Variants in THRB observed in about 807,000 individuals in gnomAD.
The protein encoded by THRB is nuclear receptor subfamily 1 group A member 2.
In THRB, 12 loss-of-function variants were observed where a neutral mutation model predicts 47.8. The ratio of observed to expected loss-of-function variants is 0.25; its 90% CI spans 0.16 to 0.41. The LOEUF (loss-of-function observed/expected upper bound fraction) is 0.41, where lower values mean the gene tolerates loss of function less well. Among genes scored for constraint, THRB ranks in the 10% least tolerant of loss-of-function variants. THRB has a pLI of 1.00. For synonymous variants in THRB, 218 were observed against 212.2 expected, an observed-to-expected ratio of 1.03 and a Z score of -0.24; for missense variants, 348 against 589.2, an observed-to-expected ratio of 0.59 and a Z score of 4.24.
chr3:24,402,282 A>C (rs543995512), intron 1 of THRB, among the ~76,000 whole-genome samples: 1 of 152,150 alleles, frequency 6.6e-6, no homozygotes, highest in Non-Finnish European at 1.5e-5. Flanking sequence ...AGATCAAATT[A>C]GTTTCTAAAT....
At chr3:24,352,489 G>C (rs536969756) in intron 1 of THRB, among the ~76,000 whole-genome samples, 6 of 152,270 alleles carry the variant, frequency 3.9e-5, no homozygotes, top group African/African-American at 1.4e-4. Flanking sequence ...GGGCTTAATG[G>C]ACCAGAAGCC....
intron 1 of THRB, among the ~76,000 whole-genome samples, chr3:24,393,956 A>G (rs1265077456): frequency 3.3e-5 from 5 of 152,180 alleles, no homozygotes; most frequent in Admixed American, 3.3e-4. Flanking sequence ...GGAGGGAGGA[A>G]TAAAATATAT....
At chr3:24,241,837 G>C (rs1487667787) in intron 3 of THRB, among the ~76,000 whole-genome samples, 2 of 152,116 alleles carry the variant, frequency 1.3e-5, no homozygotes, top group African/African-American at 2.4e-5. Flanking sequence ...AACTCTGAAG[G>C]TGGGGTTCGG....
intron 2 of THRB, among the ~76,000 whole-genome samples, chr3:24,314,716 C>T (rs575692039): frequency 1.3e-5 from 2 of 152,282 alleles, no homozygotes; most frequent in East Asian, 3.9e-4. Context: ...TTCAGCCTTT[C>T]TTTGTAACAT....
chr3:24,347,805 C>T (rs1454149805), intron 1 of THRB, among the ~76,000 whole-genome samples: 1 of 151,908 alleles, frequency 6.6e-6, no homozygotes, highest in African/African-American at 2.4e-5. Flanking sequence ...TGGTACTATA[C>T]TCATTAAAGA....
chr3:24,277,937 C>T (rs2054106120), intron 3 of THRB, among the ~76,000 whole-genome samples: 1 of 152,120 alleles, frequency 6.6e-6, no homozygotes, highest in Non-Finnish European at 1.5e-5. Flanking sequence ...AATGCATTCA[C>T]CTGCCAATAA....
chr3:24,228,347 A>G (rs2047890465), intron 4 of THRB, among the ~76,000 whole-genome samples: 2 of 152,206 alleles, frequency 1.3e-5, no homozygotes, highest in South Asian at 4.1e-4. Flanking sequence ...TATACCTTAC[A>G]TGACCTAATC....
chr3:24,118,423 T>C lies in THRB; in HGVS notation c.*4461A>G, dbSNP rs2031034875. On this transcript the variant is annotated 3_prime_UTR_variant, in exon 11 of 11. Coordinates refer to ENST00000646209, the MANE Select transcript of THRB (RefSeq NM_001354712.2). The stretch of plus-strand genomic sequence containing the variant: ...TGAAAAAAATATCACCATCTAGCAA[T>C]ATCACTTAACACTGTTTGCAAAACA... 1 of 152,634 alleles carries C rather than the reference T, an allele frequency of 6.6e-6. No homozygotes were observed. Among genetic ancestry groups the C allele is most frequent in the South Asian group, 2.1e-4 (1 of 4,830 alleles). 9.5% of individuals were successfully genotyped at this position (152,634 alleles called of 1,614,324 possible).
At chr3:24,381,395 G>A (rs1448588053) in intron 1 of THRB, among the ~76,000 whole-genome samples, 1 of 152,090 alleles carries the variant, frequency 6.6e-6, no homozygotes, top group Non-Finnish European at 1.5e-5. Context: ...CAATCCAGAG[G>A]GCAGGACTCT....
chr3:24,278,728 T>G (rs775271260), intron 3 of THRB, among the ~76,000 whole-genome samples: 107 of 152,226 alleles, frequency 7.0e-4, no homozygotes, highest in Non-Finnish European at 1.4e-3. Context: ...GGCAAGAACC[T>G]TGTCTCAAAA....
At chr3:24,471,108 C>A (rs1473049828) in intron 1 of THRB, among the ~76,000 whole-genome samples, 1 of 152,192 alleles carries the variant, frequency 6.6e-6, no homozygotes, top group Non-Finnish European at 1.5e-5. Flanking sequence ...AACATTGCTA[C>A]AATACTTCAG....
chr3:24,447,475 A>T (rs2125482444), intron 1 of THRB, among the ~76,000 whole-genome samples: 1 of 152,252 alleles, frequency 6.6e-6, no homozygotes, highest in Non-Finnish European at 1.5e-5. Flanking sequence ...CTCAGAGGGA[A>T]TACCTTTGTT....
intron 3 of THRB, among the ~76,000 whole-genome samples, chr3:24,235,046 G>A (rs142516020): frequency 1.4e-3 from 219 of 152,346 alleles, no homozygotes; most frequent in Non-Finnish European, 2.0e-3. Flanking sequence ...GCCTGCTTGG[G>A]AGGCTCACCC....
At chr3:24,261,446 C>A (rs545996487) in intron 3 of THRB, among the ~76,000 whole-genome samples, 1 of 133,398 alleles carries the variant, frequency 7.5e-6, no homozygotes, top group East Asian at 2.5e-4. Context: ...TTGCAGTGAG[C>A]GGAGATCGTG....
intron 9 of THRB, among the ~76,000 whole-genome samples, chr3:24,129,766 G>GAGC (rs1446941836): frequency 3.1e-5 from 4 of 130,494 alleles, no homozygotes; most frequent in African/African-American, 1.1e-4. Context: ...TTCCTTAGGA[G>GAGC]AGCATCACTC....
Position 24,146,639 on chromosome 3 carries a change from A to G in THRB, c.532+36T>C, listed in dbSNP as rs751414186. The G allele has an allele frequency of 1.9e-6, 3 of 1,611,708 alleles. No homozygotes were observed. In the African/African-American group the frequency reaches 4.0e-5, roughly 22 times the overall value. Reference sequence around the variant, plus strand: ...TGAACCAAACTGTTTCCTAATCAACATTCCTTGAATATGAAGCAAGTGAAG... The same window carrying G: ...TGAACCAAACTGTTTCCTAATCAACGTTCCTTGAATATGAAGCAAGTGAAG... On this transcript the variant is annotated intron_variant, in intron 7 of 10. Transcript: ENST00000646209.
intron 10 of THRB, among the ~76,000 whole-genome samples, chr3:24,124,374 T>C (rs572138890): frequency 6.6e-6 from 1 of 152,348 alleles, no homozygotes; most frequent in South Asian, 2.1e-4. Flanking sequence ...TCTTCTCTCT[T>C]TCTTTGAGTG....
chr3:24,486,634 T>C (rs571672575), intron 1 of THRB: 1 of 152,340 alleles, frequency 6.6e-6, no homozygotes, highest in South Asian at 2.1e-4. Flanking sequence ...GATAGATTAA[T>C]AAGCCAGATG....
intron 1 of THRB, among the ~76,000 whole-genome samples, chr3:24,488,796 A>T (rs1159408642): frequency 6.6e-6 from 1 of 152,272 alleles, no homozygotes; most frequent in African/African-American, 2.4e-5. Context: ...CTGTCTGACA[A>T]ATAGCAAACA....
Sources: gnomAD v4.1 joint callset for allele counts (sites outside exome capture counted in the v4.1 genomes callset) on GRCh38, gnomAD v4.1.1 for gene constraint, MANE v1.5 for transcripts, NCBI Gene and HGNC (gene_info 2026-07-23, HGNC 2026-07-21) for gene names.